GALNT17: variants seen among roughly 807,000 people sequenced by gnomAD.
GALNT17 encodes polypeptide N-acetylgalactosaminyltransferase 17.
In GALNT17, 29 loss-of-function variants were observed where a neutral mutation model predicts 63.7. That is an observed-to-expected ratio of 0.46 (90% CI 0.34 to 0.62). GALNT17 has a LOEUF of 0.62. Ranked by LOEUF, GALNT17 falls within the 20% of genes least tolerant of loss-of-function variation. GALNT17 has a pLI of 0.01. For synonymous variants in GALNT17, 305 were observed against 318.3 expected, an observed-to-expected ratio of 0.96 and a Z score of 0.45; for missense variants, 603 against 799.6, an observed-to-expected ratio of 0.75 and a Z score of 2.97.
intron 5 of GALNT17, among the ~76,000 whole-genome samples, chr7:71,541,717 T>C (rs1008084338): frequency 6.6e-6 from 1 of 152,130 alleles, no homozygotes; most frequent in Non-Finnish European, 1.5e-5. Flanking sequence ...TTCCTAACAA[T>C]GTAAGGAGAT....
At chr7:71,496,970 C>T (rs1294685451) in intron 5 of GALNT17, among the ~76,000 whole-genome samples, 1 of 151,892 alleles carries the variant, frequency 6.6e-6, no homozygotes, top group East Asian at 1.9e-4. Context: ...CCCAGCTACT[C>T]AGGAGGCTGA....
At chr7:71,707,871 T>C (rs1489429063) in intron 9 of GALNT17, among the ~76,000 whole-genome samples, 1 of 152,200 alleles carries the variant, frequency 6.6e-6, no homozygotes, top group Admixed American at 6.5e-5. Flanking sequence ...CCAAAGCAAG[T>C]CACAGGGCCA....
At chr7:71,366,652 A>G (rs1335414173) in intron 2 of GALNT17, among the ~76,000 whole-genome samples, 1 of 152,140 alleles carries the variant, frequency 6.6e-6, no homozygotes, top group Non-Finnish European at 1.5e-5. Context: ...AAAGGTGACT[A>G]CTGTTGGCTG....
intron 1 of GALNT17, among the ~76,000 whole-genome samples, chr7:71,227,007 C>T (rs1304524047): frequency 6.6e-6 from 1 of 151,740 alleles, no homozygotes; most frequent in African/African-American, 2.4e-5. Context: ...TCTGTCCCCT[C>T]CAGCTTTTGA....
intron 1 of GALNT17, among the ~76,000 whole-genome samples, chr7:71,331,809 G>T (rs767399478): frequency 6.6e-6 from 1 of 152,088 alleles, no homozygotes. Context: ...AGCTTGTCAC[G>T]GGATTAGATG....
chr7:71,275,483 T>C (rs1250326361), intron 1 of GALNT17, among the ~76,000 whole-genome samples: 1 of 152,194 alleles, frequency 6.6e-6, no homozygotes, highest in Non-Finnish European at 1.5e-5. Context: ...GGCTTGTGTT[T>C]TACCAAGCCT....
intron 5 of GALNT17, among the ~76,000 whole-genome samples, chr7:71,466,221 T>A (rs1787532864): frequency 6.6e-6 from 1 of 152,184 alleles, no homozygotes; most frequent in African/African-American, 2.4e-5. Context: ...TGGACCACCC[T>A]CTTGGCCAAG....
At chr7:71,418,476 C>A (rs1786591228) in intron 4 of GALNT17, among the ~76,000 whole-genome samples, 1 of 152,144 alleles carries the variant, frequency 6.6e-6, no homozygotes, top group Non-Finnish European at 1.5e-5. Flanking sequence ...TGTGGCTGTG[C>A]TTGATTTCTC....
chr7:71,309,894 C>A (rs1161995558), intron 1 of GALNT17, among the ~76,000 whole-genome samples: 1 of 152,176 alleles, frequency 6.6e-6, no homozygotes, highest in Non-Finnish European at 1.5e-5. Flanking sequence ...CCACCCAGAT[C>A]TCATCTTGAA....
chr7:71,617,761 G>A (rs1303401846), intron 6 of GALNT17, among the ~76,000 whole-genome samples: 3 of 152,040 alleles, frequency 2.0e-5, no homozygotes, highest in South Asian at 4.1e-4. Context: ...CCCTGCCTCA[G>A]CCTCCCGAAT....
chr7:71,499,349 C>A (rs532436076), intron 5 of GALNT17, among the ~76,000 whole-genome samples: 1 of 152,192 alleles, frequency 6.6e-6, no homozygotes, highest in South Asian at 2.1e-4. Context: ...TCACTTGAGG[C>A]CAGGAGTTCC....
intron 1 of GALNT17, among the ~76,000 whole-genome samples, chr7:71,148,825 T>G (rs1384063002): frequency 1.4e-5 from 2 of 146,374 alleles, no homozygotes; most frequent in East Asian, 4.0e-4. Flanking sequence ...GAAGGCATCT[T>G]AGATTTGATG....
chr7:71,584,004 C>T (rs113247683), intron 6 of GALNT17, among the ~76,000 whole-genome samples: 14 of 151,764 alleles, frequency 9.2e-5, no homozygotes, highest in East Asian at 5.8e-4. Flanking sequence ...TGGTGGCACG[C>T]GCCTATAATC....
rs1438442698 is a variant in GALNT17 at position 71,710,908 on chromosome 7, A to G, written c.1648A>G (p.Lys550Glu). The change falls in exon 10 of 11, where the codon AAG becomes GAG. Residue 550 changes from lysine (K) to glutamate (E), a missense_variant. Coordinates refer to ENST00000333538, the MANE Select transcript of GALNT17 (RefSeq NM_022479.3). ...CGACAAGGTCAAGAGCAGCCTGTAC[A>G]AGCGCTGGAACTTCATCCAGGTGAG... The part of the protein sequence containing the change: ...DCDKVKSSLY[K>E]RWNFIQNGAI... 6.2e-7 allele frequency: 1 copy of G among 1,613,834 alleles called. No individual in the cohort carries two copies. The highest frequency in any genetic ancestry group is 1.7e-5 in the Admixed American group (1 of 60,022).
intron 6 of GALNT17, among the ~76,000 whole-genome samples, chr7:71,625,294 G>A (rs1790355882): frequency 6.6e-6 from 1 of 152,076 alleles, no homozygotes; most frequent in Non-Finnish European, 1.5e-5. Flanking sequence ...ACAGATGTGT[G>A]CCACCACACC....
intron 1 of GALNT17, among the ~76,000 whole-genome samples, chr7:71,256,426 C>T (rs748028365): frequency 1.3e-4 from 20 of 152,152 alleles, no homozygotes; most frequent in Non-Finnish European, 2.5e-4. Context: ...CAAAAATTAG[C>T]TGGACATGGT....
At chr7:71,442,478 C>T (rs149634230) in intron 5 of GALNT17, among the ~76,000 whole-genome samples, 1,665 of 152,172 alleles carry the variant, frequency 0.011, 16 homozygotes, top group Middle Eastern at 0.044. Flanking sequence ...GGATTACAGG[C>T]GTGAGCCACC....
chr7:71,439,059 T>A (rs1787019327), intron 5 of GALNT17, among the ~76,000 whole-genome samples: 2 of 151,962 alleles, frequency 1.3e-5, no homozygotes, highest in Admixed American at 1.3e-4. Context: ...GGCTAATTTT[T>A]TAAAATTGTT....
intron 5 of GALNT17, among the ~76,000 whole-genome samples, chr7:71,449,959 T>A (rs951779569): frequency 5.9e-5 from 9 of 151,416 alleles, no homozygotes; most frequent in Non-Finnish European, 1.0e-4. Flanking sequence ...GAGAAATCAC[T>A]TGAACCCGGG....
Sources: gnomAD v4.1 joint callset for allele counts (sites outside exome capture counted in the v4.1 genomes callset) on GRCh38, gnomAD v4.1.1 for gene constraint, MANE v1.5 for transcripts, NCBI Gene and HGNC (gene_info 2026-07-23, HGNC 2026-07-21) for gene names.